The following OPTN variants were observed in gnomAD, a reference collection of about 807,000 sequenced individuals.
OPTN encodes the protein E3-14.7K-interacting protein.
OPTN carries 54 observed loss-of-function variants against 70.4 expected under a neutral mutation model. The observed-to-expected ratio is 0.77, with a 90% CI of 0.62 to 0.96. The LOEUF (loss-of-function observed/expected upper bound fraction) is 0.96, where lower values mean the gene tolerates loss of function less well. OPTN is among the 40% of genes least tolerant of loss of function. OPTN has a pLI of 0.00. For synonymous variants in OPTN, 256 were observed against 248.5 expected (o/e 1.03, Z -0.28); for missense variants, 624 against 673.2 (o/e 0.93, Z 0.81).
At chr10:13,110,949 G>A (rs1832982576) in intron 4 of OPTN, among the ~76,000 whole-genome samples, 1 of 152,172 alleles carries the variant, frequency 6.6e-6, no homozygotes, top group South Asian at 2.1e-4. Context: ...TCATGTTGTG[G>A]TAGGAGGCTA....
At position 13,109,106 on chromosome 10, in the gene OPTN, C is replaced by G; in HGVS notation, c.-11-6C>G. ...GCTCTATTTTCAACAGGTGACTTTTCCACAGGAACTTCTGCAATGTCCCAT... is the reference window on the plus strand; with the variant it reads ...GCTCTATTTTCAACAGGTGACTTTTGCACAGGAACTTCTGCAATGTCCCAT... On this transcript the variant is annotated splice_polypyrimidine_tract_variant and splice_region_variant and intron_variant, in intron 2 of 14. Coordinates refer to ENST00000378747, the MANE Select transcript of OPTN (RefSeq NM_001008212.2). The G allele has an allele frequency of 6.2e-7, 1 of 1,613,740 alleles. No homozygotes were observed. The highest frequency in any genetic ancestry group is 8.5e-7 in the Non-Finnish European group (1 of 1,179,916).
chr10:13,116,325 C>G lies in OPTN; in HGVS notation c.611C>G (p.Thr204Arg), dbSNP rs1833208570. 1 of 1,613,226 alleles carries G rather than the reference C, an allele frequency of 6.2e-7. No individual in the cohort carries two copies. Among genetic ancestry groups the G allele is most frequent in the Middle Eastern group, 1.7e-4 (1 of 6,060 alleles). The change falls in exon 6 of 15, where the codon ACA becomes AGA. Residue 204 changes from threonine to arginine, a missense_variant. Physicochemically the swap from Thr to Arg is moderately conservative, Grantham distance 71. Coordinates refer to ENST00000378747, the MANE Select transcript of OPTN (RefSeq NM_001008212.2). ...EIKHSPGPTR[T>R]VSTGTALSKY... ...AAGCATAGTCCTGGGCCCACGAGAA[C>G]AGTCTCCACTGGCACGTATGTGAAG...
At chr10:13,133,128 C>G (rs1006896176) in intron 13 of OPTN, among the ~76,000 whole-genome samples, 13 of 152,130 alleles carry the variant, frequency 8.5e-5, no homozygotes, top group African/African-American at 2.7e-4. Context: ...GTTTAAGTTA[C>G]AAAATGATCA....
chr10:13,136,877 A>G lies in OPTN; in HGVS notation c.*11A>G, dbSNP rs776271231. On this transcript the variant is annotated 3_prime_UTR_variant, in exon 15 of 15. Coordinates refer to ENST00000378747, the MANE Select transcript of OPTN (RefSeq NM_001008212.2). The stretch of plus-strand genomic sequence containing the variant: ...GATTGCATCATTTAAGTGTTGATGT[A>G]TCACCTCCCCAAAACTGTTGGTAAA... 1.2e-6 allele frequency: 2 copies of G among 1,614,198 alleles called. No homozygotes were observed. The highest frequency in any genetic ancestry group is 2.2e-5 in the East Asian group (1 of 44,892).
At chr10:13,130,424 CAAAAAAAAA>C (rs1178080754) in intron 12 of OPTN, among the ~76,000 whole-genome samples, 67 of 51,770 alleles carry the variant, frequency 1.3e-3, no homozygotes, top group Non-Finnish European at 1.9e-3. Context: ...GACTCTATCT[CAAAAAAAAA>C]AAAAAAAAAA....
chr10:13,109,161 G>A lies in OPTN; in HGVS notation c.39G>A (p.Glu13=). Residue 13 remains glutamate (E), a synonymous_variant, in exon 3 of 15, where the codon GAG becomes GAA. Transcript: ENST00000378747. ...HQPLSCLTEK[E]DSPSESTGNG... is the part of the protein sequence containing the mutation. ...CTCTCAGCTGCCTCACTGAAAAGGA[G>A]GACAGCCCCAGTGAAAGCACAGGAA... The A allele has an allele frequency of 3.1e-6, 5 of 1,614,008 alleles. No homozygotes were observed. The highest frequency in any genetic ancestry group is 4.2e-6 in the Non-Finnish European group (5 of 1,179,986).
intron 4 of OPTN, 22 bp downstream of exon 4, chr10:13,110,498 G>A (rs1832972223): frequency 6.5e-7 from 1 of 1,533,828 alleles, no homozygotes; most frequent in African/African-American, 1.6e-5. Context: ...GATCCATTGT[G>A]ATGTTGTTTT....
intron 1 of OPTN, chr10:13,104,744 A>G: frequency 1.5e-6 from 1 of 670,770 alleles, no homozygotes; most frequent in East Asian, 3.2e-5. Context: ...ATTTAATTTC[A>G]ATGATAACTT....
At chr10:13,119,806 T>A (rs948600330) in intron 7 of OPTN, among the ~76,000 whole-genome samples, 11 of 152,196 alleles carry the variant, frequency 7.2e-5, no homozygotes, top group Non-Finnish European at 1.6e-4. Context: ...GTGACAGCGA[T>A]GTTGAGCATC....
At chr10:13,124,203 T>C in intron 9 of OPTN, 93 bp downstream of exon 9, 2 of 723,758 alleles carry the variant, frequency 2.8e-6, no homozygotes, top group Non-Finnish European at 4.7e-6. Context: ...AACTATGTTA[T>C]GACTAAAAGA....
At chr10:13,127,666 AT>A (rs1833496400) in intron 11 of OPTN, 78 bp from the exon 12 acceptor site, 1 of 1,488,646 alleles carries the variant, frequency 6.7e-7, no homozygotes, top group Non-Finnish European at 9.3e-7. Flanking sequence ...AATTAAAAAA[AT>A]AAACCTTTTT....
chr10:13,132,205 A>G lies in OPTN; in HGVS notation c.1532+8A>G. Reference sequence around the variant, plus strand: ...TTTCGAAGACGGAGGCAGGTAAGGAAAAGAGAGAGGAGGACCCAGAGCTCA... The same window carrying G: ...TTTCGAAGACGGAGGCAGGTAAGGAGAAGAGAGAGGAGGACCCAGAGCTCA... On this transcript the variant is annotated splice_region_variant and intron_variant, in intron 13 of 14. Transcript: ENST00000378747. 6.2e-7 allele frequency: 1 copy of G among 1,611,488 alleles called. No homozygotes were observed. The highest frequency in any genetic ancestry group is 8.5e-7 in the Non-Finnish European group (1 of 1,178,256).
At position 13,137,821 on chromosome 10, in the gene OPTN, A is replaced by C. The variant is rs1833728900; in HGVS notation, c.*955A>C. 4.4e-6 allele frequency: 1 copy of C among 227,726 alleles called. No homozygotes were observed. Among genetic ancestry groups the C allele is most frequent in the Non-Finnish European group, 8.7e-6 (1 of 114,734 alleles). The allele number at this position is 227,726 out of a possible 1,614,324, so 14.1% of individuals were successfully genotyped here. On this transcript the variant is annotated 3_prime_UTR_variant, in exon 15 of 15. Coordinates refer to ENST00000378747, the MANE Select transcript of OPTN (RefSeq NM_001008212.2). Reference sequence around the variant, plus strand: ...TTCTTTACCCATTCACAGTGTAAAGAAGTTACCTTCATGCTTTCATTGTAC... The same window carrying C: ...TTCTTTACCCATTCACAGTGTAAAGCAGTTACCTTCATGCTTTCATTGTAC...
intron 5 of OPTN, 74 bp from the exon 6 acceptor site, chr10:13,116,193 C>T: frequency 9.5e-7 from 1 of 1,048,988 alleles, no homozygotes; most frequent in Non-Finnish European, 1.5e-6. Flanking sequence ...CATCTTTTGT[C>T]TTTTTCTTCT....
At chr10:13,132,454 CT>C (rs1833614257) in intron 13 of OPTN, among the ~76,000 whole-genome samples, 1 of 152,054 alleles carries the variant, frequency 6.6e-6, no homozygotes, top group South Asian at 2.1e-4. Flanking sequence ...CTTGTGGGAG[CT>C]TGATCAAGCT....
rs1833499025 is a variant in OPTN at position 13,127,765 on chromosome 10, AGT to A, written c.1265_1266del (p.Val422AlafsTer6). ...TTCAGTCAGAAAAAGTGGACAGGGC[AGT>A]GCTGAAGGAACTGAGTGAAAAACTG... The part of the protein sequence containing the change: ...RKESEKVDRA[V>X]LKELSEKLEL... On this transcript the variant is annotated frameshift_variant, in exon 12 of 15. Coordinates refer to ENST00000378747, the MANE Select transcript of OPTN (RefSeq NM_001008212.2). LOFTEE classifies it high-confidence loss of function. 4.3e-6 allele frequency: 7 copies of A among 1,614,082 alleles called. No individual in the cohort carries two copies. The Admixed American group carries it at 1.2e-4, about 27-fold the overall frequency.
chr10:13,114,879 T>TAA (rs34327051), intron 5 of OPTN, among the ~76,000 whole-genome samples: 4 of 64,604 alleles, frequency 6.2e-5, no homozygotes, highest in Non-Finnish European at 8.1e-5. Context: ...TATAATTGTA[T>TAA]TATATACACT....
In OPTN at chr10:13,112,444, C is replaced by G. The variant is rs777946819; in HGVS notation, c.370-9C>G. On this transcript the variant is annotated splice_polypyrimidine_tract_variant and intron_variant, in intron 4 of 14. Coordinates refer to ENST00000378747, the MANE Select transcript of OPTN (RefSeq NM_001008212.2). ...TCTGTTCATTCACTTTACTCCTTGT[C>G]ATCTCCAGGACCCCACTGATGACTC... 2.0e-5 allele frequency: 33 copies of G among 1,613,808 alleles called. No individual in the cohort carries two copies. The South Asian group carries it at 3.5e-4, about 17-fold the overall frequency.
At position 13,125,957 on chromosome 10, in the gene OPTN, CTG is replaced by C; in HGVS notation, c.1163_1164del (p.Val388AlafsTer13). ...ATCTTTTTTAATAGGTCCAAATTAA[CTG>C]TGCTACAGATGACACACAACAAGCT... On this transcript the variant is annotated frameshift_variant, in exon 11 of 15. Transcript: ENST00000378747. LOFTEE classifies it high-confidence loss of function. 1 of 1,607,334 alleles carries C rather than the reference CTG, an allele frequency of 6.2e-7. No individual in the cohort carries two copies.
Sources: allele counts gnomAD v4.1 joint callset (sites outside exome capture counted in the v4.1 genomes callset), GRCh38; gene constraint gnomAD v4.1.1; transcripts MANE v1.5; gene names NCBI Gene and HGNC (gene_info 2026-07-23, HGNC 2026-07-21).